The following RAB20 variants were observed in gnomAD, a reference collection of about 807,000 sequenced individuals.
RAB20 encodes ras-related protein Rab-20.
RAB20 carries 2 observed loss-of-function variants against 3.7 expected under a neutral mutation model. The ratio of observed to expected loss-of-function variants is 0.54; its 90% CI spans 0.22 to 1.69. The LOEUF (loss-of-function observed/expected upper bound fraction) is 1.69. RAB20 is among the 40% of genes most tolerant of loss of function. The probability of loss-of-function intolerance (pLI) is 0.19; values close to 1 mark genes in which losing one functional copy is unlikely to be tolerated. For missense variants in RAB20, 276 were observed against 311.9 expected (o/e 0.88, Z 0.87); for synonymous variants, 126 against 130.8 (o/e 0.96, Z 0.25).
Position 110,555,230 on chromosome 13 carries a change from C to T in RAB20, c.172+6118G>A, listed in dbSNP as rs1055750830. ...CCCGTCCTGTTACACACAGGCCACA[C>T]CTGCTCTCCCACCACAAACCTCCAA... is the stretch of plus-strand genomic sequence containing the variant. On this transcript the variant is annotated intron_variant, in intron 1 of 1. Transcript: ENST00000267328. The surrounding 1 kb of genome is among the most constrained non-coding windows in gnomAD (Gnocchi z 4.0). Among the ~76,000 whole-genome samples the T allele has an allele frequency of 1.2e-4, 19 of 152,178 alleles. No homozygotes were observed. The highest frequency in any genetic ancestry group is 4.6e-4 in the African/African-American group (19 of 41,438).
At chr13:110,532,657 G>A (rs1285911003) in intron 1 of RAB20, among the ~76,000 whole-genome samples, 1 of 148,206 alleles carries the variant, frequency 6.7e-6, no homozygotes, top group Non-Finnish European at 1.5e-5. Context: ...GATTACAGGC[G>A]CGAGGCACCA....
At chr13:110,529,655 G>A (rs902053625) in intron 1 of RAB20, among the ~76,000 whole-genome samples, 4 of 152,290 alleles carry the variant, frequency 2.6e-5, no homozygotes, top group Middle Eastern at 3.4e-3. Flanking sequence ...TCTGGTGAAC[G>A]GAGCCAGGCT....
intron 1 of RAB20, among the ~76,000 whole-genome samples, chr13:110,543,243 C>G (rs760618027): frequency 2.0e-5 from 3 of 152,098 alleles, no homozygotes; most frequent in African/African-American, 7.2e-5. Context: ...ATCCTCCTGC[C>G]TCAGCCTCCC....
chr13:110,527,637 G>T (rs1046845799), intron 1 of RAB20, among the ~76,000 whole-genome samples: 2 of 152,096 alleles, frequency 1.3e-5, no homozygotes, highest in Non-Finnish European at 2.9e-5. Context: ...CCTCCCTTCC[G>T]CACGCCTACC....
At chr13:110,552,394 TTAAAAA>T (rs1884968127) in intron 1 of RAB20, among the ~76,000 whole-genome samples, 1 of 108,656 alleles carries the variant, frequency 9.2e-6, no homozygotes, top group African/African-American at 3.6e-5. Flanking sequence ...AAAAAAAAAA[TTAAAAA>T]TAAATAAATA....
At chr13:110,559,315 A>G (rs2139592984) in intron 1 of RAB20, among the ~76,000 whole-genome samples, 1 of 152,366 alleles carries the variant, frequency 6.6e-6, no homozygotes, top group South Asian at 2.1e-4. Context: ...GACAATTACA[A>G]CAAAAACAAC....
At chr13:110,540,135 A>T (rs1015557562) in intron 1 of RAB20, among the ~76,000 whole-genome samples, 5 of 152,230 alleles carry the variant, frequency 3.3e-5, no homozygotes, top group Non-Finnish European at 7.3e-5. Flanking sequence ...TTACTCAGAG[A>T]TGTTCTTTAA....
At chr13:110,545,950 G>A (rs769444265) in intron 1 of RAB20, among the ~76,000 whole-genome samples, 6 of 152,132 alleles carry the variant, frequency 3.9e-5, no homozygotes, top group Admixed American at 2.0e-4. Flanking sequence ...CAGAAACACC[G>A]TGGATCCTGT....
intron 1 of RAB20, among the ~76,000 whole-genome samples, chr13:110,540,229 G>A (rs1300159926): frequency 6.6e-6 from 1 of 152,238 alleles, no homozygotes; most frequent in African/African-American, 2.4e-5. Flanking sequence ...ACTGGCACAT[G>A]CCAGCATATG....
intron 1 of RAB20, among the ~76,000 whole-genome samples, chr13:110,531,033 C>T (rs974451178): frequency 4.6e-5 from 7 of 152,226 alleles, no homozygotes; most frequent in South Asian, 4.1e-4. Flanking sequence ...GGATAGGAAG[C>T]GCTGCATTAG....
intron 1 of RAB20, among the ~76,000 whole-genome samples, chr13:110,543,384 C>T (rs776761851): frequency 2.0e-5 from 3 of 152,186 alleles, no homozygotes; most frequent in African/African-American, 4.8e-5. Flanking sequence ...TCTGACACCT[C>T]GGCCTCCCAA....
intron 1 of RAB20, among the ~76,000 whole-genome samples, chr13:110,533,288 G>A (rs995540142): frequency 1.3e-5 from 2 of 152,222 alleles, no homozygotes; most frequent in African/African-American, 4.8e-5. Flanking sequence ...AAGTTGATGA[G>A]TTTTGGCTAA....
intron 1 of RAB20, among the ~76,000 whole-genome samples, chr13:110,535,518 C>T (rs1360914176): frequency 1.3e-5 from 2 of 152,258 alleles, no homozygotes; most frequent in East Asian, 1.9e-4. Context: ...TTTCCATTTT[C>T]GCAGATCTAC....
chr13:110,540,730 G>A (rs1884743239), intron 1 of RAB20, among the ~76,000 whole-genome samples: 1 of 128,222 alleles, frequency 7.8e-6, no homozygotes, highest in African/African-American at 2.9e-5. Context: ...CAACGAGAGT[G>A]AAACTCCGTC....
At chr13:110,529,756 G>A (rs1387299770) in intron 1 of RAB20, among the ~76,000 whole-genome samples, 2 of 152,092 alleles carry the variant, frequency 1.3e-5, no homozygotes, top group Admixed American at 6.5e-5. Flanking sequence ...CCAGCCTTCC[G>A]CCAGACTCTC....
At chr13:110,545,905 T>A (rs1884842582) in intron 1 of RAB20, among the ~76,000 whole-genome samples, 1 of 152,204 alleles carries the variant, frequency 6.6e-6, no homozygotes, top group Non-Finnish European at 1.5e-5. Flanking sequence ...CATTTACTTC[T>A]GAGCTCTACA....
chr13:110,561,664 C>G lies in RAB20; in HGVS notation c.-145G>C. 3 of 1,345,314 alleles carry G rather than the reference C, an allele frequency of 2.2e-6. No individual in the cohort carries two copies. Among genetic ancestry groups the G allele is most frequent in the Non-Finnish European group, 2.9e-6 (3 of 1,034,710 alleles). 83.3% of individuals were successfully genotyped at this position (1,345,314 alleles called of 1,614,324 possible). On this transcript the variant is annotated 5_prime_UTR_variant, in exon 1 of 2. Transcript: ENST00000267328. Reference sequence around the variant, plus strand: ...GCTCCGGGACCTTCGCCTCCGGACGCCCGGGAGCTCAAGAGAGGAAGCGCG... The same window carrying G: ...GCTCCGGGACCTTCGCCTCCGGACGGCCGGGAGCTCAAGAGAGGAAGCGCG...
intron 1 of RAB20, among the ~76,000 whole-genome samples, chr13:110,532,855 T>C (rs1884568565): frequency 6.6e-6 from 1 of 152,112 alleles, no homozygotes; most frequent in Non-Finnish European, 1.5e-5. Context: ...ATTTCTTTTA[T>C]GTTTGTGTAG....
At chr13:110,544,551 C>A (rs1362226382) in intron 1 of RAB20, among the ~76,000 whole-genome samples, 1 of 152,186 alleles carries the variant, frequency 6.6e-6, no homozygotes. Context: ...AATCATGACT[C>A]TAATACAGAT....
Sources: gnomAD v4.1 joint callset for allele counts (sites outside exome capture counted in the v4.1 genomes callset) on GRCh38, gnomAD v4.1.1 for gene constraint, Gnocchi (gnomAD v3.1) non-coding constraint, MANE v1.5 for transcripts, NCBI Gene and HGNC (gene_info 2026-07-23, HGNC 2026-07-21) for gene names.